Variants in CSPP1 observed in about 807,000 individuals in gnomAD.
CSPP1 encodes centrosome and spindle pole-associated protein 1.
A neutral mutation model predicts 164.4 loss-of-function variants in CSPP1; 126 were observed. That is an observed-to-expected ratio of 0.77 (90% confidence interval 0.66 to 0.89). CSPP1 has a LOEUF of 0.89. CSPP1 is among the 40% of genes least tolerant of loss of function. CSPP1 has a pLI of 0.00. For missense variants in CSPP1, 1,395 were observed against 1,449.8 expected (o/e 0.96, Z 0.61); for synonymous variants, 472 against 476.7 (o/e 0.99, Z 0.13).
At chr8:67,074,545 TCA>T (rs1209567221) in intron 2 of CSPP1, among the ~76,000 whole-genome samples, 194 bp downstream of exon 2, 2 of 152,328 alleles carry the variant, frequency 1.3e-5, no homozygotes, top group Non-Finnish European at 2.9e-5. Context: ...GGTTTATATC[TCA>T]CAGTGTTTCT....
At chr8:67,108,348 G>A (rs573090672) in intron 9 of CSPP1, among the ~76,000 whole-genome samples, 2 of 151,926 alleles carry the variant, frequency 1.3e-5, no homozygotes, top group African/African-American at 4.8e-5. Flanking sequence ...GCTGCAGTGA[G>A]CCGTGATTGT....
rs1457006425 is a variant in CSPP1, at chr8:67,190,645, C to T, written c.3221-5C>T. On this transcript the variant is annotated splice_region_variant and splice_polypyrimidine_tract_variant and intron_variant, in intron 28 of 30. Coordinates refer to ENST00000678616, the MANE Select transcript of CSPP1 (RefSeq NM_001382391.1). Reference sequence around the variant, plus strand: ...GACTCCTTCTGCTTTTCGGGGTCCTCTTAGGGGCTTACGGTGAGACATATC... The same window carrying T: ...GACTCCTTCTGCTTTTCGGGGTCCTTTTAGGGGCTTACGGTGAGACATATC... 4.3e-6 allele frequency: 7 copies of T among 1,612,052 alleles called. No individual in the cohort carries two copies. Among genetic ancestry groups the T allele is most frequent in the African/African-American group, 1.3e-5 (1 of 74,860 alleles).
chr8:67,106,633 A>G (rs905253248), intron 9 of CSPP1, among the ~76,000 whole-genome samples: 3 of 152,300 alleles, frequency 2.0e-5, no homozygotes, highest in Middle Eastern at 3.4e-3. Context: ...TTGTTTTGCT[A>G]TATTACACTT....
chr8:67,118,161 A>G (rs1818290647), intron 13 of CSPP1, 87 bp from the exon 14 acceptor site: 1 of 1,361,814 alleles, frequency 7.3e-7, no homozygotes, highest in Non-Finnish European at 1.0e-6. Flanking sequence ...GATTTTCAGT[A>G]CTGTTTTTGC....
chr8:67,158,996 G>A lies in CSPP1; in HGVS notation c.2397G>A (p.Arg799=). The change falls in exon 21 of 31, where the codon AGG becomes AGA. Residue 799 remains arginine, a synonymous_variant. Transcript: ENST00000678616. ...EKKREKEEEQ[R]LKNEEHIRLA... ...TTTCTCTTTTTATTTTAAAGCAAAG[G>A]CTAAAAAATGAAGAGCATATTCGGT... is the stretch of plus-strand genomic sequence containing the variant. 1 of 1,595,204 alleles carries A rather than the reference G, an allele frequency of 6.3e-7. No individual in the cohort carries two copies. Among genetic ancestry groups the A allele is most frequent in the Non-Finnish European group, 8.5e-7 (1 of 1,172,958 alleles).
intron 1 of CSPP1, among the ~76,000 whole-genome samples, chr8:67,071,136 A>G (rs1806691551): frequency 6.6e-6 from 1 of 152,168 alleles, no homozygotes; most frequent in Non-Finnish European, 1.5e-5. Flanking sequence ...ACCTGTTATA[A>G]GTTTCAACAT....
At chr8:67,146,859 A>G (rs1241305311) in intron 17 of CSPP1, among the ~76,000 whole-genome samples, 4 of 152,218 alleles carry the variant, frequency 2.6e-5, no homozygotes, top group Admixed American at 6.5e-5. Flanking sequence ...ATAAAGTCCT[A>G]TCTTTGCAGT....
intron 24 of CSPP1, among the ~76,000 whole-genome samples, chr8:67,171,714 A>G (rs1830501810): frequency 6.6e-6 from 1 of 151,628 alleles, no homozygotes. Context: ...CGCCCAACTA[A>G]TATTTGTATT....
At chr8:67,083,759 G>C (rs1226440861) in intron 3 of CSPP1, 1 of 151,746 alleles carries the variant, frequency 6.6e-6, no homozygotes, top group East Asian at 1.9e-4. Context: ...TGGCAGCATT[G>C]TTGTCTTTTA....
chr8:67,083,544 A>ATATATATAT, intron 3 of CSPP1: 1 of 130,266 alleles, frequency 7.7e-6, no homozygotes, highest in African/African-American at 3.2e-5. Flanking sequence ...AAAAAAAAAA[A>ATATATATAT]AAAAATATAT....
chr8:67,158,356 T>C (rs1827066847), intron 19 of CSPP1, 91 bp from the exon 20 acceptor site: 2 of 1,326,028 alleles, frequency 1.5e-6, no homozygotes, highest in Non-Finnish European at 2.0e-6. Context: ...AGGGTACAAG[T>C]GTTGAGTTTA....
At chr8:67,076,208 A>G (rs1585849771) in intron 2 of CSPP1, among the ~76,000 whole-genome samples, 1 of 151,836 alleles carries the variant, frequency 6.6e-6, no homozygotes, top group African/African-American at 2.4e-5. Context: ...AAATTCTTCT[A>G]TTTTTTAAAA....
intron 17 of CSPP1, among the ~76,000 whole-genome samples, chr8:67,147,953 C>CT (rs1824934128): frequency 6.6e-6 from 1 of 152,122 alleles, no homozygotes; most frequent in African/African-American, 2.4e-5. Context: ...CAGTCTCACT[C>CT]TGTCACCCAG....
chr8:67,162,532 CT>C (rs905790982), intron 22 of CSPP1, among the ~76,000 whole-genome samples: 2 of 152,122 alleles, frequency 1.3e-5, no homozygotes, highest in Non-Finnish European at 2.9e-5. Flanking sequence ...GAATTCCACC[CT>C]TTGAGATTCT....
At chr8:67,114,012 G>A in intron 11 of CSPP1, 150 bp downstream of exon 11, 1 of 516,976 alleles carries the variant, frequency 1.9e-6, no homozygotes, top group Non-Finnish European at 3.5e-6. Flanking sequence ...CTCATAAAGT[G>A]TAAATTCTCT....
chr8:67,182,879 T>C (rs1253012682), intron 28 of CSPP1, among the ~76,000 whole-genome samples: 3 of 152,234 alleles, frequency 2.0e-5, no homozygotes, highest in Non-Finnish European at 4.4e-5. Flanking sequence ...TTCTGGATAT[T>C]ACCCCTTATC....
Position 67,172,454 on chromosome 8 carries a change from C to T in CSPP1, c.2867C>T (p.Ala956Val). 1 of 1,612,844 alleles carries T rather than the reference C, an allele frequency of 6.2e-7. No individual in the cohort carries two copies. The highest frequency in any genetic ancestry group is 1.3e-5 in the African/African-American group (1 of 74,990). Residue 956 changes from alanine to valine, a missense_variant, in exon 25 of 31, where the codon GCT (alanine) becomes GTT (valine). Ala to Val is a moderately conservative substitution (Grantham distance 64, BLOSUM62 0). Transcript: ENST00000678616. The stretch of plus-strand genomic sequence containing the variant: ...AATCCCATGGATATATTTGATATGG[C>T]TAGACATCGGTTGCAAGCTCCTGTC... ...ERNPMDIFDM[A>V]RHRLQAPVRR...
intron 23 of CSPP1, among the ~76,000 whole-genome samples, chr8:67,164,069 A>G (rs1419181436): frequency 1.3e-5 from 2 of 152,194 alleles, no homozygotes; most frequent in African/African-American, 2.4e-5. Flanking sequence ...TATCATGCAC[A>G]GTTTGTGCGA....
rs1185578936 is a variant in CSPP1, at chr8:67,158,488, A to C, written c.2283A>C (p.Arg761Ser). The change falls in exon 20 of 31, where the codon AGA (arginine) becomes AGC (serine). Residue 761 changes from arginine (R) to serine (S), a missense_variant. Physicochemically the swap from Arg to Ser is moderately radical, Grantham distance 110. Transcript: ENST00000678616. The stretch of plus-strand genomic sequence containing the variant: ...AAAGAGAGGAAGCAGAGCGAGAGAG[A>C]CTGAGAATTGCAGAAGAAAAAGAAG... ...KKQREEAERE[R>S]LRIAEEKEER... 1 of 1,613,218 alleles carries C rather than the reference A, an allele frequency of 6.2e-7. No homozygotes were observed. Among genetic ancestry groups the C allele is most frequent in the South Asian group, 1.1e-5 (1 of 90,944 alleles).
Sources: allele counts gnomAD v4.1 joint callset (sites outside exome capture counted in the v4.1 genomes callset), GRCh38; gene constraint gnomAD v4.1.1; transcripts MANE v1.5; gene names NCBI Gene and HGNC (gene_info 2026-07-23, HGNC 2026-07-21).